ADA2: variants seen among roughly 807,000 people sequenced by gnomAD.
ADA2 encodes the protein adenosine deaminase 2.
A neutral mutation model predicts 44.2 loss-of-function variants in ADA2; 29 were observed. The ratio of observed to expected loss-of-function variants is 0.66; its 90% CI spans 0.49 to 0.89. ADA2 has a LOEUF of 0.89. Among genes scored for constraint, ADA2 ranks in the 40% least tolerant of loss-of-function variants. ADA2 has a pLI of 0.00. For missense variants in ADA2, 637 were observed against 644.8 expected, an observed-to-expected ratio of 0.99 and a Z score of 0.13; for synonymous variants, 215 against 234.9, an observed-to-expected ratio of 0.92 and a Z score of 0.77.
chr22:17,210,028 C>CTACA (rs2062402138), intron 1 of ADA2: 1 of 221,624 alleles, frequency 4.5e-6, no homozygotes, highest in African/African-American at 2.4e-5. Flanking sequence ...GTAGCTGGGA[C>CTACA]TACAGGTGCC....
intron 1 of ADA2, among the ~76,000 whole-genome samples, chr22:17,215,851 G>A (rs1486471600): frequency 6.6e-6 from 1 of 152,086 alleles, no homozygotes; most frequent in African/African-American, 2.4e-5. Context: ...AAATAGACAA[G>A]CACTTCAAGA....
chr22:17,207,617 T>A (rs1326752449), intron 2 of ADA2, among the ~76,000 whole-genome samples: 1 of 151,950 alleles, frequency 6.6e-6, no homozygotes, highest in African/African-American at 2.4e-5. Context: ...CCAGGGGTGA[T>A]CTTGTCCAAG....
intron 4 of ADA2, among the ~76,000 whole-genome samples, chr22:17,197,369 C>T (rs939799013): frequency 1.3e-5 from 2 of 151,740 alleles, no homozygotes; most frequent in African/African-American, 4.8e-5. Flanking sequence ...TCAGGTGATC[C>T]TCCCACCTCA....
In ADA2 at chr22:17,207,076, A is replaced by G. The variant is rs748070995; in HGVS notation, c.537T>C (p.Asp179=). 1.9e-6 allele frequency: 3 copies of G among 1,613,794 alleles called. No individual in the cohort carries two copies. In the African/African-American group the frequency reaches 4.0e-5, roughly 22 times the overall value. The part of the protein sequence containing the change: ...RKRVQNVTEF[D]DSLLRNFTLV... ...CTTTCTGAACTACTACTCACCTGTC[A>G]TCAAACTCAGTGACGTTCTGCACCC... is the stretch of plus-strand genomic sequence containing the variant. The change falls in exon 3 of 10, where the codon GAT becomes GAC. Residue 179 remains aspartate (D), a synonymous_variant. Transcript: ENST00000399837.
At position 17,189,917 on chromosome 22, in the gene ADA2, C is replaced by T. The variant is rs2231492; in HGVS notation, c.972+25G>A. The T allele has an allele frequency of 4.1e-3, 6,458 of 1,557,428 alleles. 196 individuals carry two copies. In the African/African-American group the frequency reaches 0.072, roughly 17 times the overall value. ...CCTCGCATGCCCCCTTAACAGGCAG[C>T]CCTTCTGTTCACAGCATGGGTTACC... is the stretch of plus-strand genomic sequence containing the variant. On this transcript the variant is annotated intron_variant, in intron 6 of 9. Transcript: ENST00000399837.
intron 2 of ADA2, among the ~76,000 whole-genome samples, chr22:17,208,213 CA>C (rs1233461834): frequency 5.9e-5 from 9 of 151,738 alleles, no homozygotes; most frequent in African/African-American, 2.2e-4. Flanking sequence ...ATCACGAGGT[CA>C]GGAGTTCGAG....
intron 1 of ADA2, among the ~76,000 whole-genome samples, chr22:17,218,819 A>G (rs1413716139): frequency 6.6e-6 from 1 of 152,196 alleles, no homozygotes; most frequent in Admixed American, 6.5e-5. Flanking sequence ...TTTACTTTTA[A>G]AAGAGGATGC....
intron 7 of ADA2, among the ~76,000 whole-genome samples, chr22:17,183,051 C>A (rs563309292): frequency 6.6e-6 from 1 of 152,124 alleles, no homozygotes; most frequent in Non-Finnish European, 1.5e-5. Context: ...CAAGGATGTT[C>A]ACACAGTAAG....
In ADA2 at chr22:17,203,658, A is replaced by G. The variant is rs201375287; in HGVS notation, c.658T>C (p.Tyr220His). Residue 220 changes from tyrosine (Y) to histidine (H), a missense_variant, in exon 4 of 10, where the codon TAC becomes CAC. By Grantham distance (83) the Tyr-to-His change is moderately conservative (BLOSUM62 2). Coordinates refer to ENST00000399837, the MANE Select transcript of ADA2 (RefSeq NM_001282225.2). The part of the protein sequence containing the change: ...IFFTISGLIH[Y>H]APVFRDYVFR... ...ACATAGTCTCTGAACACTGGTGCGT[A>G]ATGGATGAGACCAGAGATGGTGAAG... 2 of 1,614,046 alleles carry G rather than the reference A, an allele frequency of 1.2e-6. No individual in the cohort carries two copies. Among genetic ancestry groups the G allele is most frequent in the South Asian group, 2.2e-5 (2 of 91,078 alleles).
At chr22:17,184,014 A>C (rs190684618) in intron 7 of ADA2, among the ~76,000 whole-genome samples, 1 of 116,728 alleles carries the variant, frequency 8.6e-6, no homozygotes, top group East Asian at 2.8e-4. Context: ...GCTGGAGTGC[A>C]GTGGTGCAGT....
intron 1 of ADA2, among the ~76,000 whole-genome samples, chr22:17,212,110 C>T (rs1264998573): frequency 4.0e-5 from 6 of 151,850 alleles, no homozygotes; most frequent in Non-Finnish European, 8.8e-5. Flanking sequence ...CCGTAACCTC[C>T]TCCTCCCAGG....
chr22:17,199,534 G>A (rs745982014), intron 4 of ADA2: 1 of 1,588,250 alleles, frequency 6.3e-7, no homozygotes, highest in Non-Finnish European at 8.6e-7. Flanking sequence ...TGCCCAACAG[G>A]AAGTTCTCCC....
At chr22:17,215,267 T>C (rs2062458288) in intron 1 of ADA2, among the ~76,000 whole-genome samples, 1 of 152,146 alleles carries the variant, frequency 6.6e-6, no homozygotes, top group Non-Finnish European at 1.5e-5. Flanking sequence ...AAAGAAAATG[T>C]GGCATATATA....
At chr22:17,189,816 G>T (rs2062091891) in intron 6 of ADA2, 126 bp downstream of exon 6, 2 of 677,994 alleles carry the variant, frequency 2.9e-6, no homozygotes, top group East Asian at 2.7e-5. Flanking sequence ...GCCTGAGCCT[G>T]CCCTGGGATG....
chr22:17,189,059 G>A (rs1244041816), intron 6 of ADA2, among the ~76,000 whole-genome samples: 4 of 133,054 alleles, frequency 3.0e-5, no homozygotes, highest in Admixed American at 8.4e-5. Flanking sequence ...TTGCTCTGTC[G>A]CCCAGGCTGG....
At chr22:17,195,537 A>AG (rs1568978115) in intron 4 of ADA2, among the ~76,000 whole-genome samples, 1 of 151,210 alleles carries the variant, frequency 6.6e-6, no homozygotes, top group East Asian at 1.9e-4. Context: ...TCAAAAAAAA[A>AG]CAAAACAAAA....
rs1244286947 is a variant in ADA2 at position 17,203,660 on chromosome 22, T to C, written c.656A>G (p.His219Arg). Residue 219 changes from histidine (H) to arginine (R), a missense_variant, in exon 4 of 10, where the codon CAT becomes CGT. Physicochemically the swap from His to Arg is conservative, Grantham distance 29. Coordinates refer to ENST00000399837, the MANE Select transcript of ADA2 (RefSeq NM_001282225.2). ...TIFFTISGLI[H>R]YAPVFRDYVF... is the part of the protein sequence containing the mutation. ...ATAGTCTCTGAACACTGGTGCGTAATGGATGAGACCAGAGATGGTGAAGAA... is the reference window on the plus strand; with the variant it reads ...ATAGTCTCTGAACACTGGTGCGTAACGGATGAGACCAGAGATGGTGAAGAA... The C allele has an allele frequency of 1.9e-6, 3 of 1,613,952 alleles. No individual in the cohort carries two copies. Among genetic ancestry groups the C allele is most frequent in the Non-Finnish European group, 2.5e-6 (3 of 1,179,930 alleles).
chr22:17,191,542 G>C (rs1321219418), intron 5 of ADA2, 141 bp downstream of exon 5: 1 of 910,060 alleles, frequency 1.1e-6, no homozygotes, highest in Non-Finnish European at 1.7e-6. Context: ...CTCTCACACA[G>C]GCACAGCACA....
chr22:17,210,708 G>A (rs183911302), intron 1 of ADA2, among the ~76,000 whole-genome samples: 130 of 150,174 alleles, frequency 8.7e-4, no homozygotes, highest in African/African-American at 2.9e-3. Flanking sequence ...AGCGATTCTC[G>A]TGCCTCAGCC....
Sources: allele counts gnomAD v4.1 joint callset (sites outside exome capture counted in the v4.1 genomes callset), GRCh38; gene constraint gnomAD v4.1.1; transcripts MANE v1.5; gene names NCBI Gene and HGNC (gene_info 2026-07-23, HGNC 2026-07-21).